Variants in EFHC1 observed in about 807,000 individuals in gnomAD.
EFHC1 encodes EF-hand domain-containing protein 1.
A neutral mutation model predicts 69.9 loss-of-function variants in EFHC1; 53 were observed. The ratio of observed to expected loss-of-function variants is 0.76; its 90% CI spans 0.61 to 0.95. EFHC1 has a LOEUF of 0.95. Among genes scored for constraint, EFHC1 ranks in the 40% least tolerant of loss-of-function variants. EFHC1 has a pLI of 0.00. For missense variants in EFHC1, 739 were observed against 798.7 expected, an observed-to-expected ratio of 0.93 and a Z score of 0.90; for synonymous variants, 256 against 278.4, an observed-to-expected ratio of 0.92 and a Z score of 0.80.
In EFHC1 at chr6:52,447,329, T is replaced by C. The variant is rs142865545; in HGVS notation, c.574-5359T>C. 7.7e-3 allele frequency among the ~76,000 whole-genome samples: 1,166 copies of C among 152,340 alleles called. 16 individuals are homozygous for C. Among genetic ancestry groups the C allele is most frequent in the African/African-American group, 0.026 (1,084 of 41,578 alleles). ...CATTCATTTGATCTTCAATCACTGA[T>C]ACCCTTTCTTCCACTTGATCTAATC... On this transcript the variant is annotated intron_variant, in intron 3 of 10. Coordinates refer to ENST00000371068, the MANE Select transcript of EFHC1 (RefSeq NM_018100.4).
intron 2 of EFHC1, among the ~76,000 whole-genome samples, chr6:52,427,638 T>C (rs1401545908): frequency 6.6e-6 from 1 of 152,098 alleles, no homozygotes; most frequent in Non-Finnish European, 1.5e-5. Context: ...CCTGAGTGTA[T>C]ACTTCATGAA....
chr6:52,468,794 A>G (rs1029110842), intron 6 of EFHC1: 10 of 162,502 alleles, frequency 6.2e-5, no homozygotes, highest in African/African-American at 2.4e-4. Flanking sequence ...TCCACTAGTC[A>G]TATTCTAGCC....
At chr6:52,453,458 T>C (rs1342163152) in intron 4 of EFHC1, 1 of 1,287,224 alleles carries the variant, frequency 7.8e-7, no homozygotes, top group Non-Finnish European at 1.0e-6. Flanking sequence ...CCCTCAGTGC[T>C]TCTTTGCTGC....
intron 3 of EFHC1, among the ~76,000 whole-genome samples, chr6:52,443,384 T>A (rs138675507): frequency 0.074 from 11,319 of 152,172 alleles, 856 homozygotes; most frequent in African/African-American, 0.19. Context: ...CTGAATGGTA[T>A]TACCTAGGTT....
chr6:52,484,350 C>T (rs577424358), intron 9 of EFHC1: 1 of 152,268 alleles, frequency 6.6e-6, no homozygotes, highest in East Asian at 1.9e-4. Flanking sequence ...GAAAAATTTT[C>T]AAATATTAAT....
At chr6:52,449,480 T>C (rs1764868767) in intron 3 of EFHC1, among the ~76,000 whole-genome samples, 1 of 152,234 alleles carries the variant, frequency 6.6e-6, no homozygotes, top group Admixed American at 6.5e-5. Context: ...TCATAGGCTA[T>C]TGATTACTGA....
At chr6:52,464,109 ACT>A (rs1765239504) in intron 5 of EFHC1, among the ~76,000 whole-genome samples, 1 of 152,078 alleles carries the variant, frequency 6.6e-6, no homozygotes, top group South Asian at 2.1e-4. Context: ...GAACTGATTG[ACT>A]CTTAAGATTT....
intron 7 of EFHC1, 77 bp from the exon 8 acceptor site, chr6:52,478,960 C>A: frequency 7.5e-7 from 1 of 1,338,272 alleles, no homozygotes; most frequent in African/African-American, 1.4e-5. Flanking sequence ...CTATACCTGG[C>A]CCCTATAGGC....
At chr6:52,453,548 C>A in intron 4 of EFHC1, 2 of 1,281,014 alleles carry the variant, frequency 1.6e-6, no homozygotes, top group South Asian at 1.2e-5. Flanking sequence ...GGATTTTGTT[C>A]ATATCAGTCA....
chr6:52,455,274 T>G (rs1765017433), intron 5 of EFHC1, among the ~76,000 whole-genome samples: 1 of 152,176 alleles, frequency 6.6e-6, no homozygotes, highest in Non-Finnish European at 1.5e-5. Context: ...AGCTCTTATG[T>G]TTGGGTGGCT....
In EFHC1 at chr6:52,452,837, G is replaced by A. The variant is rs750912328; in HGVS notation, c.723G>A (p.Gln241=). The A allele has an allele frequency of 4.3e-6, 7 of 1,613,944 alleles. No individual in the cohort carries two copies. In the Admixed American group the frequency reaches 1.2e-4, roughly 27 times the overall value. ...QLKQFLTFDK[Q]VLRFYAIWDD... ...AGCAATTTCTCACCTTTGACAAACA[G>A]GTAAGTGACATAGGAACCACAATAG... Residue 241 remains glutamine (Q), a splice_region_variant and synonymous_variant, in exon 4 of 11, where the codon CAG becomes CAA. Transcript: ENST00000371068.
At chr6:52,488,896 T>G (rs1204988431) in intron 9 of EFHC1, 2 of 152,218 alleles carry the variant, frequency 1.3e-5, no homozygotes, top group African/African-American at 4.8e-5. Context: ...TTTATTGTAG[T>G]GTAAATTATT....
intron 3 of EFHC1, 63 bp downstream of exon 3, chr6:52,438,654 C>G (rs1050616417): frequency 1.3e-6 from 2 of 1,550,430 alleles, no homozygotes; most frequent in Non-Finnish European, 1.8e-6. Flanking sequence ...TAGAAGGATA[C>G]ATTTCATTTA....
intron 5 of EFHC1, among the ~76,000 whole-genome samples, chr6:52,461,158 T>C (rs1425450552): frequency 6.6e-6 from 1 of 151,892 alleles, no homozygotes; most frequent in African/African-American, 2.4e-5. Flanking sequence ...TGTTGTACAT[T>C]TTGTCTCCCA....
In EFHC1 at chr6:52,420,451, G is replaced by C. The variant is rs1241120227; in HGVS notation, c.41G>C (p.Gly14Ala). Residue 14 changes from glycine (G) to alanine (A), a missense_variant, in exon 1 of 11, where the codon GGC becomes GCC. Gly to Ala is a moderately conservative substitution (Grantham distance 60, BLOSUM62 0). Transcript: ENST00000371068. ...GTGCATGGCTTGCCCTTTCTTCCGG[G>C]CACGTCCTTTAAGGACTCTACGGTG... ...NPVHGLPFLP[G>A]TSFKDSTKTA... The C allele has an allele frequency of 6.2e-7, 1 of 1,614,086 alleles. No homozygotes were observed. Among genetic ancestry groups the C allele is most frequent in the Non-Finnish European group, 8.5e-7 (1 of 1,180,044 alleles).
chr6:52,432,941 C>T (rs1237451615), intron 2 of EFHC1, among the ~76,000 whole-genome samples: 1 of 151,910 alleles, frequency 6.6e-6, no homozygotes, highest in African/African-American at 2.4e-5. Flanking sequence ...TGTCTTTGAG[C>T]TCTGAAGTTC....
At chr6:52,444,928 TTTGG>T (rs1336070774) in intron 3 of EFHC1, among the ~76,000 whole-genome samples, 1 of 152,172 alleles carries the variant, frequency 6.6e-6, no homozygotes, top group Non-Finnish European at 1.5e-5. Flanking sequence ...CTGGACTGTT[TTTGG>T]TTGGTAGGCT....
At chr6:52,425,889 A>G (rs1581810701) in intron 2 of EFHC1, among the ~76,000 whole-genome samples, 1 of 152,192 alleles carries the variant, frequency 6.6e-6, no homozygotes, top group Non-Finnish European at 1.5e-5. Flanking sequence ...ACAGAATATA[A>G]CTTCATTTCT....
chr6:52,469,243 A>G (rs1765380111), intron 6 of EFHC1, 90 bp from the exon 7 acceptor site: 2 of 1,499,042 alleles, frequency 1.3e-6, no homozygotes, highest in South Asian at 1.2e-5. Flanking sequence ...AGTATTTTCT[A>G]GAGTTTTTTC....
Sources: gnomAD v4.1 joint callset for allele counts (sites outside exome capture counted in the v4.1 genomes callset) on GRCh38, gnomAD v4.1.1 for gene constraint, MANE v1.5 for transcripts, NCBI Gene and HGNC (gene_info 2026-07-23, HGNC 2026-07-21) for gene names.